Variants in DOCK2 observed in about 807,000 individuals in gnomAD.
DOCK2 encodes dedicator of cytokinesis 2, also known as dedicator of cytokinesis protein 2.
DOCK2 carries 87 observed loss-of-function variants against 248.9 expected under a neutral mutation model. That is an observed-to-expected ratio of 0.35 (90% confidence interval 0.29 to 0.42). The LOEUF (loss-of-function observed/expected upper bound fraction) is 0.42. Among genes scored for constraint, DOCK2 ranks in the 10% least tolerant of loss-of-function variants. The pLI, the probability that DOCK2 is intolerant of heterozygous loss-of-function variation, is 1.00. For synonymous variants in DOCK2, 805 were observed against 821.6 expected, an observed-to-expected ratio of 0.98 and a Z score of 0.35; for missense variants, 1,747 against 2,300.2, an observed-to-expected ratio of 0.76 and a Z score of 4.92.
intron 32 of DOCK2, 135 bp from the exon 33 acceptor site, chr5:170,018,825 G>C: frequency 1.7e-6 from 2 of 1,172,550 alleles, no homozygotes; most frequent in Non-Finnish European, 2.4e-6. Flanking sequence ...CCTGGCTCAT[G>C]GTAAACAACT....
chr5:170,042,889 C>T (rs901209509), intron 38 of DOCK2, among the ~76,000 whole-genome samples: 57 of 152,182 alleles, frequency 3.7e-4, no homozygotes, highest in African/African-American at 1.4e-3. Flanking sequence ...TGCTAAATGC[C>T]CAGTGACTAG....
At chr5:169,777,491 A>G (rs1765452948) in intron 25 of DOCK2, among the ~76,000 whole-genome samples, 1 of 152,216 alleles carries the variant, frequency 6.6e-6, no homozygotes, top group Admixed American at 6.5e-5. Context: ...AGGGGAGCCA[A>G]TTATCCAAAG....
At chr5:169,747,270 C>T in intron 22 of DOCK2, 126 bp from the exon 23 acceptor site, 1 of 740,778 alleles carries the variant, frequency 1.3e-6, no homozygotes, top group Non-Finnish European at 2.1e-6. Flanking sequence ...AGAATCCTCT[C>T]CTCCTTGAAG....
At chr5:170,014,820 G>T (rs185255344) in intron 32 of DOCK2, among the ~76,000 whole-genome samples, 152 of 152,246 alleles carry the variant, frequency 1.0e-3, no homozygotes, top group African/African-American at 3.3e-3. Context: ...GACCAGACAT[G>T]CTCCCAGGTA....
At chr5:169,981,233 C>A (rs1330582756) in intron 27 of DOCK2, among the ~76,000 whole-genome samples, 1 of 152,212 alleles carries the variant, frequency 6.6e-6, no homozygotes, top group Non-Finnish European at 1.5e-5. Flanking sequence ...ATGGGAGCTA[C>A]TTTCGGGAGT....
intron 27 of DOCK2, among the ~76,000 whole-genome samples, chr5:169,898,256 C>A (rs1773722291): frequency 6.6e-6 from 1 of 152,290 alleles, no homozygotes. Context: ...CTGCCATGGT[C>A]TCCTTTCTCA....
chr5:169,835,530 C>T (rs1769515434), intron 26 of DOCK2, among the ~76,000 whole-genome samples: 1 of 151,932 alleles, frequency 6.6e-6, no homozygotes, highest in South Asian at 2.1e-4. Context: ...GCTGGGATTA[C>T]AGGCATGAGT....
intron 25 of DOCK2, among the ~76,000 whole-genome samples, chr5:169,785,137 A>T (rs1399993928): frequency 6.6e-6 from 1 of 152,216 alleles, no homozygotes; most frequent in Non-Finnish European, 1.5e-5. Flanking sequence ...TAACCTCATT[A>T]TGGGTAGCTT....
At chr5:169,984,471 ATAT>A (rs1778017517) in intron 28 of DOCK2, among the ~76,000 whole-genome samples, 1 of 152,182 alleles carries the variant, frequency 6.6e-6, no homozygotes, top group Non-Finnish European at 1.5e-5. Flanking sequence ...TTTGAAGTAG[ATAT>A]TATTCCCATT....
rs116655551 is a variant in DOCK2 at position 169,800,376 on chromosome 5, A to T, written c.2555-2682A>T. Among the ~76,000 whole-genome samples the T allele has an allele frequency of 2.1e-3, 323 of 152,184 alleles. 1 individual carries two copies. The highest frequency in any genetic ancestry group is 7.4e-3 in the African/African-American group (309 of 41,498). On this transcript the variant is annotated intron_variant, in intron 25 of 51. Coordinates refer to ENST00000520908, the MANE Select transcript of DOCK2 (RefSeq NM_004946.3). ...CACTCTTCCTATTGCAATATTATCC[A>T]CTTGTCACGGACTGTCTCAAATGCC...
chr5:170,057,484 G>C (rs761331247), intron 43 of DOCK2, 96 bp from the exon 44 acceptor site: 6 of 1,038,322 alleles, frequency 5.8e-6, no homozygotes, highest in African/African-American at 1.6e-5. Flanking sequence ...GAGGCCCGGG[G>C]ACCTGGCTGG....
At chr5:169,766,919 C>T (rs953190897) in intron 25 of DOCK2, among the ~76,000 whole-genome samples, 2 of 152,092 alleles carry the variant, frequency 1.3e-5, no homozygotes, top group Admixed American at 1.3e-4. Context: ...CACCACTGTG[C>T]CTGGCTTTTG....
At chr5:169,811,338 G>A (rs155074) in intron 26 of DOCK2, among the ~76,000 whole-genome samples, 105,531 of 152,118 alleles carry the variant, frequency 0.69, 37,362 homozygotes, top group African/African-American at 0.85. Flanking sequence ...TTGCATTACT[G>A]TTTAATTCCC....
chr5:170,065,285 A>G lies in DOCK2; in HGVS notation c.4468-2225A>G, dbSNP rs184708364. ...AGTTAGAAGAAAAGACCCACAGCAT[A>G]TCACTACAGAAAGCCATCAAATCAC... On this transcript the variant is annotated intron_variant, in intron 44 of 51. Transcript: ENST00000520908. Among the ~76,000 whole-genome samples the G allele has an allele frequency of 3.1e-3, 466 of 152,346 alleles. 4 individuals carry two copies. Among genetic ancestry groups the G allele is most frequent in the Non-Finnish European group, 3.5e-3 (241 of 68,036 alleles).
intron 27 of DOCK2, among the ~76,000 whole-genome samples, chr5:169,969,211 G>C (rs1209205954): frequency 6.6e-6 from 1 of 152,086 alleles, no homozygotes; most frequent in Non-Finnish European, 1.5e-5. Context: ...TTGGGAGGCT[G>C]AGGCAGATAG....
At chr5:169,644,890 C>A (rs1271892078) in intron 1 of DOCK2, among the ~76,000 whole-genome samples, 2 of 152,072 alleles carry the variant, frequency 1.3e-5, no homozygotes. Flanking sequence ...TGAGAACAGG[C>A]AGTGTTTGGT....
chr5:169,734,670 A>G lies in DOCK2; in HGVS notation c.2268-12726A>G, dbSNP rs539251379. ...TTGTGGTTAAGAATTCTCACTGGAG[A>G]TATGTTTGCGTTTTTCTTCTACATA... On this transcript the variant is annotated intron_variant, in intron 22 of 51. Coordinates refer to ENST00000520908, the MANE Select transcript of DOCK2 (RefSeq NM_004946.3). Among the ~76,000 whole-genome samples, 7 of 152,310 alleles carry G rather than the reference A, an allele frequency of 4.6e-5. No individual in the cohort carries two copies. The East Asian group carries it at 1.2e-3, about 25-fold the overall frequency.
chr5:170,032,608 C>T (rs1756179739), intron 34 of DOCK2, among the ~76,000 whole-genome samples: 1 of 152,160 alleles, frequency 6.6e-6, no homozygotes, highest in African/African-American at 2.4e-5. Flanking sequence ...TAGGGTGGCA[C>T]ACAGGGCTAG....
At chr5:169,838,502 G>A (rs889936647) in intron 26 of DOCK2, among the ~76,000 whole-genome samples, 1 of 152,184 alleles carries the variant, frequency 6.6e-6, no homozygotes, top group African/African-American at 2.4e-5. Context: ...TCATGTTCAC[G>A]TAGTACAAGA....
Sources: gnomAD v4.1 joint callset for allele counts (sites outside exome capture counted in the v4.1 genomes callset) on GRCh38, gnomAD v4.1.1 for gene constraint, MANE v1.5 for transcripts, NCBI Gene and HGNC (gene_info 2026-07-23, HGNC 2026-07-21) for gene names.